The following EGFLAM variants were observed in gnomAD, a reference collection of about 807,000 sequenced individuals.
EGFLAM encodes pikachurin.
EGFLAM carries 79 observed loss-of-function variants against 113.1 expected under a neutral mutation model. That is an observed-to-expected ratio of 0.70 (90% CI 0.58 to 0.84). The LOEUF (loss-of-function observed/expected upper bound fraction) is 0.84. Among genes scored for constraint, EGFLAM ranks in the 40% least tolerant of loss-of-function variants. EGFLAM has a pLI of 0.00. For synonymous variants in EGFLAM, 504 were observed against 487.6 expected, an observed-to-expected ratio of 1.03 and a Z score of -0.44; for missense variants, 1,265 against 1,291.6, an observed-to-expected ratio of 0.98 and a Z score of 0.32.
At position 38,417,798 on chromosome 5, in the gene EGFLAM, C is replaced by T. The variant is rs562424068; in HGVS notation, c.1495-268C>T. 1.6e-4 allele frequency among the ~76,000 whole-genome samples: 24 copies of T among 151,696 alleles called. No homozygotes were observed. The South Asian group carries it at 2.9e-3, about 18-fold the overall frequency. On this transcript the variant is annotated intron_variant, in intron 11 of 21. Coordinates refer to ENST00000322350, the MANE Select transcript of EGFLAM (RefSeq NM_152403.4). ...ATGGTTCACTGCCTGGTGGGTGAGG[C>T]GTGTCTCTGACCTCCCTTCCCTTCC...
rs1234692169 is a variant in EGFLAM, at chr5:38,403,858, T to G, written c.713-2268T>G. ...GAAGACATCTGGCACACAGATACGC[T>G]GCATGCAGGTGGCTTGAGAGAACAT... On this transcript the variant is annotated intron_variant, in intron 6 of 21. Transcript: ENST00000322350. The G allele has an allele frequency of 8.7e-6, 14 of 1,613,950 alleles. No individual in the cohort carries two copies. The Admixed American group carries it at 2.3e-4, about 27-fold the overall frequency.
At chr5:38,378,385 G>A (rs1579841880) in intron 6 of EGFLAM, among the ~76,000 whole-genome samples, 1 of 152,124 alleles carries the variant, frequency 6.6e-6, no homozygotes. Flanking sequence ...GGATCCCGGG[G>A]TACATGTTGT....
At chr5:38,302,055 C>T (rs555207825) in intron 1 of EGFLAM, among the ~76,000 whole-genome samples, 34 of 152,084 alleles carry the variant, frequency 2.2e-4, no homozygotes, top group East Asian at 3.9e-4. Flanking sequence ...GCCTGGCCAA[C>T]GTAGCGAAAC....
At chr5:38,373,076 A>T (rs1740265699) in intron 6 of EGFLAM, among the ~76,000 whole-genome samples, 1 of 152,228 alleles carries the variant, frequency 6.6e-6, no homozygotes, top group Non-Finnish European at 1.5e-5. Context: ...AATACTTCAA[A>T]TTAATACATT....
intron 15 of EGFLAM, among the ~76,000 whole-genome samples, chr5:38,433,336 C>T (rs929917013): frequency 3.3e-5 from 5 of 152,170 alleles, no homozygotes; most frequent in Admixed American, 1.3e-4. Flanking sequence ...ATGCAAGACA[C>T]GTGGAAGAGC....
intron 17 of EGFLAM, among the ~76,000 whole-genome samples, chr5:38,444,204 CT>C (rs1742636567): frequency 6.6e-6 from 1 of 152,008 alleles, no homozygotes; most frequent in Admixed American, 6.6e-5. Flanking sequence ...ATGGCACAAG[CT>C]TTTAGATATA....
In EGFLAM at chr5:38,339,303, A is replaced by G. The variant is rs766278620; in HGVS notation, c.291+522A>G. ...TCATCTATTTTCTTTTCTGTTTCTC[A>G]TCAAGGTCTCTTGAGTGAATTTTTG... On this transcript the variant is annotated intron_variant, in intron 3 of 21. Coordinates refer to ENST00000322350, the MANE Select transcript of EGFLAM (RefSeq NM_152403.4). Among the ~76,000 whole-genome samples, 3 of 151,850 alleles carry G rather than the reference A, an allele frequency of 2.0e-5. No individual in the cohort carries two copies. The East Asian group carries it at 5.8e-4, about 29-fold the overall frequency.
chr5:38,271,066 A>G (rs1757753899), intron 1 of EGFLAM, among the ~76,000 whole-genome samples: 2 of 152,160 alleles, frequency 1.3e-5, no homozygotes, highest in Non-Finnish European at 2.9e-5. Flanking sequence ...TATTAGTCAT[A>G]AAGTTATTGA....
At chr5:38,455,636 G>A (rs1164979048) in intron 19 of EGFLAM, among the ~76,000 whole-genome samples, 4 of 152,204 alleles carry the variant, frequency 2.6e-5, no homozygotes, top group Admixed American at 6.5e-5. Flanking sequence ...CAGAGGAAGC[G>A]GGAGGTTCTT....
Position 38,427,408 on chromosome 5 carries a change from A to T in EGFLAM, c.2054+156A>T, listed in dbSNP as rs1742052308. On this transcript the variant is annotated intron_variant, in intron 14 of 21. Coordinates refer to ENST00000322350, the MANE Select transcript of EGFLAM (RefSeq NM_152403.4). ...TGTCCTGACTTGTCCTGCTTCAGGC[A>T]GATGACAGGCTTCCTATAGAGAGTG... 10 of 1,276,754 alleles carry T rather than the reference A, an allele frequency of 7.8e-6. No individual in the cohort carries two copies. In the South Asian group the frequency reaches 1.5e-4, roughly 19 times the overall value. 79.1% of individuals were successfully genotyped at this position (1,276,754 alleles called of 1,614,324 possible). A position where few individuals can be genotyped will look rare whatever the true frequency, so the allele number is the denominator to read the frequency against.
chr5:38,426,016 T>C (rs1741995109), intron 13 of EGFLAM, among the ~76,000 whole-genome samples: 2 of 151,810 alleles, frequency 1.3e-5, no homozygotes, highest in East Asian at 1.9e-4. Context: ...GGCAGGAGAA[T>C]TGCTTGAACC....
At chr5:38,300,536 C>A (rs1758551033) in intron 1 of EGFLAM, among the ~76,000 whole-genome samples, 1 of 152,122 alleles carries the variant, frequency 6.6e-6, no homozygotes, top group African/African-American at 2.4e-5. Context: ...CCACCATGCC[C>A]AACTAATTTT....
intron 1 of EGFLAM, among the ~76,000 whole-genome samples, chr5:38,336,344 C>T (rs1028145124): frequency 1.3e-5 from 2 of 152,090 alleles, no homozygotes; most frequent in African/African-American, 2.4e-5. Flanking sequence ...GAGGCCAAGG[C>T]GGGCAGGTCA....
At chr5:38,361,790 C>T (rs1739929655) in intron 5 of EGFLAM, among the ~76,000 whole-genome samples, 1 of 152,126 alleles carries the variant, frequency 6.6e-6, no homozygotes, top group South Asian at 2.1e-4. Context: ...CTTAGTCCTG[C>T]TAAGCCTTAC....
At chr5:38,352,086 T>G in intron 4 of EGFLAM, 110 bp from the exon 5 acceptor site, 1 of 1,480,960 alleles carries the variant, frequency 6.8e-7, no homozygotes, top group East Asian at 2.3e-5. Flanking sequence ...GAGCTGTTTA[T>G]GTATTATATT....
chr5:38,440,500 G>T (rs1742498561), intron 17 of EGFLAM, among the ~76,000 whole-genome samples: 1 of 152,150 alleles, frequency 6.6e-6, no homozygotes, highest in South Asian at 2.1e-4. Flanking sequence ...CCATTGTAAA[G>T]ATTGGAAAGA....
intron 17 of EGFLAM, chr5:38,445,384 G>T (rs1392917006): frequency 1.0e-6 from 1 of 974,202 alleles, no homozygotes; most frequent in Admixed American, 3.2e-5. Flanking sequence ...CCTCAGAAGT[G>T]TCAGACAGCT....
At chr5:38,431,743 C>A (rs1332290879) in intron 15 of EGFLAM, among the ~76,000 whole-genome samples, 4 of 152,188 alleles carry the variant, frequency 2.6e-5, no homozygotes, top group Admixed American at 2.6e-4. Flanking sequence ...ATACTGGTTA[C>A]TTGACCTACC....
intron 1 of EGFLAM, among the ~76,000 whole-genome samples, chr5:38,293,116 G>T (rs1240408249): frequency 6.6e-6 from 1 of 152,138 alleles, no homozygotes; most frequent in Non-Finnish European, 1.5e-5. Context: ...AGTCTAATAA[G>T]GGTTTTTACT....
Sources: allele counts gnomAD v4.1 joint callset (sites outside exome capture counted in the v4.1 genomes callset), GRCh38; gene constraint gnomAD v4.1.1; transcripts MANE v1.5; gene names NCBI Gene and HGNC (gene_info 2026-07-23, HGNC 2026-07-21).